The following SCAP variants were observed in gnomAD, a reference collection of about 807,000 sequenced individuals.
The protein encoded by SCAP is sterol regulatory element-binding protein cleavage-activating protein.
Under a neutral mutation model 123.6 loss-of-function variants are expected in SCAP, and 65 were observed. The observed-to-expected ratio is 0.53, with a 90% CI of 0.43 to 0.65. The LOEUF (loss-of-function observed/expected upper bound fraction) is 0.65, where lower values mean the gene tolerates loss of function less well. Among genes scored for constraint, SCAP ranks in the 30% least tolerant of loss-of-function variants. SCAP has a pLI of 0.00. For synonymous variants in SCAP, 740 were observed against 726.3 expected (o/e 1.02, Z -0.30); for missense variants, 1,398 against 1,712.5 (o/e 0.82, Z 3.24).
chr3:47,467,763 ATG>A (rs370945458), intron 1 of SCAP, among the ~76,000 whole-genome samples: 9 of 152,310 alleles, frequency 5.9e-5, no homozygotes, highest in African/African-American at 1.9e-4. Context: ...CCTTGGGTAC[ATG>A]TGCACAACAT....
intron 7 of SCAP, 94 bp from the exon 8 acceptor site, chr3:47,425,705 G>GGAACAGGGCAACCAAA: frequency 7.2e-7 from 1 of 1,391,174 alleles, no homozygotes; most frequent in Admixed American, 1.9e-5. Context: ...AGTCGAGGAA[G>GGAACAGGGCAACCAAA]GGAAAACTCC....
intron 2 of SCAP, among the ~76,000 whole-genome samples, chr3:47,437,660 T>C (rs1316262864): frequency 6.6e-6 from 1 of 151,912 alleles, no homozygotes; most frequent in Admixed American, 6.6e-5. Context: ...GGAGGATCGC[T>C]TGAGCCGGGA....
chr3:47,421,205 C>T lies in SCAP; in HGVS notation c.1246-176G>A, dbSNP rs150427686. 1.3e-4 allele frequency: 85 copies of T among 633,434 alleles called. No homozygotes were observed. In the Middle Eastern group the frequency reaches 4.3e-3, roughly 32 times the overall value. 39.2% of individuals were successfully genotyped at this position (633,434 alleles called of 1,614,324 possible). A position where few individuals can be genotyped will look rare whatever the true frequency, so the allele number is the denominator to read the frequency against. On this transcript the variant is annotated intron_variant, in intron 10 of 22. Transcript: ENST00000265565. ...CTCACATACCAGCAGCAGCTCACCC[C>T]GTCTCCACCAGGGGGCAGAAGAAAC...
At chr3:47,468,437 G>C (rs1400688235) in intron 1 of SCAP, among the ~76,000 whole-genome samples, 1 of 152,134 alleles carries the variant, frequency 6.6e-6, no homozygotes, top group East Asian at 1.9e-4. Context: ...GTATCTCATT[G>C]TGGTTTTGAT....
chr3:47,418,327 G>A lies in SCAP; in HGVS notation c.2325C>T (p.His775=), dbSNP rs1464886490. ...CCACTGTGCCCCTGCTCACCATGAGGTGGCCGCGCAGCACAAGCGGCACGA... is the reference window on the plus strand; with the variant it reads ...CCACTGTGCCCCTGCTCACCATGAGATGGCCGCGCAGCACAAGCGGCACGA... ...TEIVPLVLRG[H]LMDIECLASD... is the part of the protein sequence containing the mutation. The change falls in exon 15 of 23, where the codon CAC becomes CAT. Residue 775 remains histidine, a synonymous_variant. Transcript: ENST00000265565. 4 of 1,562,116 alleles carry A rather than the reference G, an allele frequency of 2.6e-6. No individual in the cohort carries two copies. The highest frequency in any genetic ancestry group is 1.7e-4 in the Middle Eastern group (1 of 6,026).
chr3:47,426,130 G>A lies in SCAP; in HGVS notation c.777C>T (p.His259=), dbSNP rs1433153834. The A allele has an allele frequency of 3.1e-6, 5 of 1,613,834 alleles. No individual in the cohort carries two copies. In the East Asian group the frequency reaches 6.7e-5, roughly 22 times the overall value. Residue 259 remains histidine, a synonymous_variant, in exon 7 of 23, where the codon CAC becomes CAT. Coordinates refer to ENST00000265565, the MANE Select transcript of SCAP (RefSeq NM_012235.4). ...CCCGAAGGCTGCAGTTGGGGCTGGG[G>A]TGCAGAAGCATCAGGCGGGCACGCA... ...GSLRARLMLL[H]PSPNCSLRAE...
intron 1 of SCAP, among the ~76,000 whole-genome samples, chr3:47,454,651 C>T (rs942619967): frequency 3.3e-5 from 5 of 151,878 alleles, no homozygotes; most frequent in African/African-American, 7.3e-5. Context: ...ATCGCTTGAA[C>T]GCAGGAGAAT....
At chr3:47,451,883 G>A (rs1707242092) in intron 1 of SCAP, among the ~76,000 whole-genome samples, 1 of 60,434 alleles carries the variant, frequency 1.7e-5, no homozygotes, top group Non-Finnish European at 3.9e-5. Flanking sequence ...ACTTCACTTC[G>A]TGTCACCTCT....
chr3:47,436,887 A>T (rs1706599454), intron 2 of SCAP, among the ~76,000 whole-genome samples: 1 of 152,238 alleles, frequency 6.6e-6, no homozygotes, highest in South Asian at 2.1e-4. Context: ...CACCAAAGGT[A>T]ACTGTTAGAA....
chr3:47,439,930 T>C lies in SCAP; in HGVS notation c.122+2942A>G, dbSNP rs550357150. ...TCCTCAGTGCTGTTTGGGGTGAGCC[T>C]GATGCATATACAGATGCCCTCTCTC... On this transcript the variant is annotated intron_variant, in intron 2 of 22. Coordinates refer to ENST00000265565, the MANE Select transcript of SCAP (RefSeq NM_012235.4). The surrounding 1 kb of genome is among the most constrained non-coding windows in gnomAD (Gnocchi z 4.0). Among the ~76,000 whole-genome samples the C allele has an allele frequency of 5.2e-4, 79 of 152,212 alleles. No individual in the cohort carries two copies. The highest frequency in any genetic ancestry group is 1.0e-3 in the Non-Finnish European group (69 of 68,038).
intron 1 of SCAP, among the ~76,000 whole-genome samples, chr3:47,452,171 T>C (rs530853496): frequency 4.6e-5 from 7 of 152,394 alleles, no homozygotes; most frequent in South Asian, 2.1e-4. Flanking sequence ...CCTGGTTTAC[T>C]ATCTGTCCTC....
At chr3:47,464,030 AT>A (rs1447051629) in intron 1 of SCAP, among the ~76,000 whole-genome samples, 1 of 151,504 alleles carries the variant, frequency 6.6e-6, no homozygotes, top group Non-Finnish European at 1.5e-5. Flanking sequence ...ATATTTATTT[AT>A]TTGAGACAGA....
At chr3:47,429,495 T>C (rs1706275470) in intron 3 of SCAP, among the ~76,000 whole-genome samples, 1 of 152,212 alleles carries the variant, frequency 6.6e-6, no homozygotes, top group Non-Finnish European at 1.5e-5. Context: ...TAGAGGTGTG[T>C]GCACCACCAC....
intron 2 of SCAP, among the ~76,000 whole-genome samples, chr3:47,440,466 A>C (rs1203941424): frequency 6.6e-6 from 1 of 152,094 alleles, no homozygotes; most frequent in African/African-American, 2.4e-5. Context: ...GCCTTGGAAA[A>C]ATTTTCTCAA....
intron 1 of SCAP, among the ~76,000 whole-genome samples, chr3:47,462,342 C>CGGCT (rs1707671745): frequency 2.0e-5 from 3 of 152,066 alleles, no homozygotes; most frequent in East Asian, 3.9e-4. Context: ...TCTGCCCCAT[C>CGGCT]AGCTATACAA....
At chr3:47,473,937 G>A (rs888635601) in intron 1 of SCAP, among the ~76,000 whole-genome samples, 2 of 152,196 alleles carry the variant, frequency 1.3e-5, no homozygotes, top group Non-Finnish European at 2.9e-5. Context: ...GATCTCTAGA[G>A]AGGGGGCGTT....
chr3:47,428,808 G>A (rs1343814233), intron 3 of SCAP, 138 bp from the exon 4 acceptor site: 1 of 869,120 alleles, frequency 1.2e-6, no homozygotes, highest in East Asian at 2.7e-5. Flanking sequence ...ACAAGTTCTT[G>A]AGTTTGCAGG....
chr3:47,471,590 C>G (rs546935552), intron 1 of SCAP, among the ~76,000 whole-genome samples: 1 of 152,058 alleles, frequency 6.6e-6, no homozygotes, highest in Non-Finnish European at 1.5e-5. Flanking sequence ...AGGCTGGTCT[C>G]GAACTCCTGA....
In SCAP at chr3:47,423,935, T is replaced by C. The variant is rs1290887599; in HGVS notation, c.1148A>G (p.Gln383Arg). The C allele has an allele frequency of 6.2e-7, 1 of 1,612,702 alleles. No homozygotes were observed. The highest frequency in any genetic ancestry group is 1.7e-5 in the Admixed American group (1 of 60,018). Reference protein sequence around the residue: ...VDLEVKLRIAQGLSSESWSIM... With the variant: ...VDLEVKLRIARGLSSESWSIM... Reference sequence around the variant, plus strand: ...GCCCAACTCTCCCACTGCGTTACCTTGGGCGATCCGCAGCTTCACCTCCAG... The same window carrying C: ...GCCCAACTCTCCCACTGCGTTACCTCGGGCGATCCGCAGCTTCACCTCCAG... The change falls in exon 9 of 23, where the codon CAA becomes CGA. Residue 383 changes from glutamine to arginine, a missense_variant and splice_region_variant. By Grantham distance (43) the Gln-to-Arg change is conservative (BLOSUM62 1). This residue lies in a region of SCAP where 66 missense variants were observed against 116.3 expected (regional missense o/e 0.57). Coordinates refer to ENST00000265565, the MANE Select transcript of SCAP (RefSeq NM_012235.4).
Sources: gnomAD v4.1 joint callset for allele counts (sites outside exome capture counted in the v4.1 genomes callset) on GRCh38, gnomAD v4.1.1 for gene constraint, gnomAD v4.1.1 regional missense constraint, Gnocchi (gnomAD v3.1) non-coding constraint, MANE v1.5 for transcripts, NCBI Gene and HGNC (gene_info 2026-07-23, HGNC 2026-07-21) for gene names.